The following CHN2 variants were observed in gnomAD, a reference collection of about 807,000 sequenced individuals.
CHN2 encodes the protein beta-chimaerin.
A neutral mutation model predicts 56.3 loss-of-function variants in CHN2; 35 were observed. The ratio of observed to expected loss-of-function variants is 0.62; its 90% CI spans 0.47 to 0.82. CHN2 has a LOEUF of 0.82. CHN2 is among the 40% of genes least tolerant of loss of function. The probability of loss-of-function intolerance (pLI) is 0.00; values close to 1 mark genes in which losing one functional copy is unlikely to be tolerated. For synonymous variants in CHN2, 210 were observed against 212.8 expected (o/e 0.99, Z 0.12); for missense variants, 491 against 580.5 (o/e 0.85, Z 1.58).
intron 4 of CHN2, chr7:29,397,493 G>T (rs1801849255): frequency 6.6e-6 from 1 of 152,190 alleles, no homozygotes; most frequent in Admixed American, 6.5e-5. Flanking sequence ...GAAGCTTGAA[G>T]TCCCTTGGGA....
At chr7:29,315,860 G>T (rs539783579) in intron 1 of CHN2, among the ~76,000 whole-genome samples, 2 of 152,276 alleles carry the variant, frequency 1.3e-5, no homozygotes, top group African/African-American at 4.8e-5. Context: ...TGGGAAGGGA[G>T]CTCTAAGATA....
chr7:29,429,050 G>A (rs1805152618), intron 6 of CHN2, among the ~76,000 whole-genome samples: 1 of 152,150 alleles, frequency 6.6e-6, no homozygotes, highest in African/African-American at 2.4e-5. Context: ...ACTGGCTACT[G>A]CTCAAGAGAA....
intron 1 of CHN2, among the ~76,000 whole-genome samples, chr7:29,275,751 G>A (rs1791146052): frequency 6.6e-6 from 1 of 152,168 alleles, no homozygotes; most frequent in African/African-American, 2.4e-5. Flanking sequence ...ACATGGCTGG[G>A]CCAGGACTGA....
chr7:29,186,321 C>T (rs1798704351), intron 2 of CHN2: 1 of 152,148 alleles, frequency 6.6e-6, no homozygotes, highest in South Asian at 2.1e-4. Context: ...CGTGTTGGCT[C>T]ACGCCTGTAC....
chr7:29,148,604 G>T (rs998036762), intron 2 of CHN2: 1 of 152,160 alleles, frequency 6.6e-6, no homozygotes, highest in Admixed American at 6.5e-5. Context: ...AATGAGTTTT[G>T]TAAGTTTGTA....
At chr7:29,313,797 G>T (rs1794761883) in intron 1 of CHN2, among the ~76,000 whole-genome samples, 1 of 152,166 alleles carries the variant, frequency 6.6e-6, no homozygotes, top group Non-Finnish European at 1.5e-5. Flanking sequence ...AGAGATGGGG[G>T]TCTTAAGGTG....
intron 1 of CHN2, among the ~76,000 whole-genome samples, chr7:29,304,407 G>T (rs1485048091): frequency 6.6e-6 from 1 of 152,200 alleles, no homozygotes; most frequent in Non-Finnish European, 1.5e-5. Flanking sequence ...AATTGTAATT[G>T]TAGAGAGAGA....
intron 1 of CHN2, among the ~76,000 whole-genome samples, chr7:29,313,674 A>G (rs1045159691): frequency 6.6e-6 from 1 of 152,116 alleles, no homozygotes; most frequent in African/African-American, 2.4e-5. Flanking sequence ...TCACTCCTAC[A>G]ATGGTCCACT....
chr7:29,435,044 A>G (rs1783121840), intron 6 of CHN2, among the ~76,000 whole-genome samples: 1 of 152,134 alleles, frequency 6.6e-6, no homozygotes, highest in Non-Finnish European at 1.5e-5. Flanking sequence ...GTGAGCCAAG[A>G]TTGCACCACT....
chr7:29,365,042 A>G (rs1273055928), intron 2 of CHN2, among the ~76,000 whole-genome samples: 1 of 152,206 alleles, frequency 6.6e-6, no homozygotes, highest in African/African-American at 2.4e-5. Flanking sequence ...CAGAATGTCA[A>G]GAGTATTGTT....
At position 29,504,745 on chromosome 7, in the gene CHN2, A is replaced by C. The variant is rs1790378761; in HGVS notation, c.915A>C (p.Gly305=). 6.2e-7 allele frequency: 1 copy of C among 1,601,846 alleles called. No individual in the cohort carries two copies. The highest frequency in any genetic ancestry group is 1.1e-5 in the South Asian group (1 of 90,798). The change falls in exon 10 of 13, where the codon GGA becomes GGC. Residue 305 remains glycine, a splice_region_variant and synonymous_variant. Coordinates refer to ENST00000222792, the MANE Select transcript of CHN2 (RefSeq NM_004067.4). ...AGTCTCTCTCTCTCTCTCTAACAGG[A>C]TTAAAATCGGAAGGCCTTTACAGAG... is the stretch of plus-strand genomic sequence containing the variant. The part of the protein sequence containing the change: ...DICIREIEAR[G]LKSEGLYRVS...
chr7:29,201,521 C>T (rs969014401), intron 1 of CHN2, among the ~76,000 whole-genome samples: 18 of 152,074 alleles, frequency 1.2e-4, no homozygotes, highest in Admixed American at 1.2e-3. Flanking sequence ...GGCCTCAGAT[C>T]TCCAGGCTGT....
At chr7:29,334,516 A>ACCC (rs796531986) in intron 1 of CHN2, 40,379 of 151,938 alleles carry the variant, frequency 0.27, 5,944 homozygotes, top group African/African-American at 0.4. Flanking sequence ...GCAATTTGGA[A>ACCC]GCCCAAGGTG....
At chr7:29,373,203 C>CTTG (rs1158676770) in intron 3 of CHN2, among the ~76,000 whole-genome samples, 1 of 151,056 alleles carries the variant, frequency 6.6e-6, no homozygotes, top group African/African-American at 2.4e-5. Flanking sequence ...GAGGTGGAGT[C>CTTG]TTGCTTTGTC....
intron 6 of CHN2, among the ~76,000 whole-genome samples, chr7:29,455,546 A>T (rs1394261380): frequency 6.6e-6 from 1 of 152,144 alleles, no homozygotes; most frequent in Non-Finnish European, 1.5e-5. Context: ...CACTGCAGGA[A>T]CTGTGGGATT....
intron 3 of CHN2, among the ~76,000 whole-genome samples, chr7:29,382,030 C>A (rs1283742200): frequency 6.6e-6 from 1 of 152,086 alleles, no homozygotes; most frequent in Non-Finnish European, 1.5e-5. Flanking sequence ...CTTCTCTGTG[C>A]CTCAGTTAGT....
intron 1 of CHN2, among the ~76,000 whole-genome samples, chr7:29,248,064 T>C (rs1788208928): frequency 6.6e-6 from 1 of 152,114 alleles, no homozygotes; most frequent in Admixed American, 6.6e-5. Flanking sequence ...CTGGAGGGCG[T>C]CTGGGGCTTG....
At chr7:29,384,088 A>G (rs923932472) in intron 3 of CHN2, among the ~76,000 whole-genome samples, 1 of 152,178 alleles carries the variant, frequency 6.6e-6, no homozygotes, top group African/African-American at 2.4e-5. Context: ...GATACGCTGG[A>G]TGGTAGCATT....
chr7:29,399,938 T>C (rs1802063899), intron 5 of CHN2, among the ~76,000 whole-genome samples: 1 of 152,076 alleles, frequency 6.6e-6, no homozygotes, highest in Non-Finnish European at 1.5e-5. Flanking sequence ...AGGGAACCTC[T>C]AGGTTAGATT....
Sources: gnomAD v4.1 joint callset for allele counts (sites outside exome capture counted in the v4.1 genomes callset) on GRCh38, gnomAD v4.1.1 for gene constraint, MANE v1.5 for transcripts, NCBI Gene and HGNC (gene_info 2026-07-23, HGNC 2026-07-21) for gene names.